Variants in MAPK4 observed in about 807,000 individuals in gnomAD.
The protein encoded by MAPK4 is Erk3-related.
MAPK4 carries 22 observed loss-of-function variants against 47.7 expected under a neutral mutation model. That is an observed-to-expected ratio of 0.46 (90% CI 0.33 to 0.66). MAPK4 has a LOEUF of 0.66. MAPK4 is among the 30% of genes least tolerant of loss of function. The pLI is 0.02. For synonymous variants in MAPK4, 390 were observed against 365.7 expected (o/e 1.07, Z -0.76); for missense variants, 736 against 831.7 (o/e 0.88, Z 1.42).
intron 1 of MAPK4, among the ~76,000 whole-genome samples, chr18:50,574,221 A>G (rs1464028455): frequency 6.6e-6 from 1 of 152,116 alleles, no homozygotes; most frequent in Admixed American, 6.5e-5. Flanking sequence ...CTCTTTTTGT[A>G]GCCTTACTGT....
At position 50,664,068 on chromosome 18, in the gene MAPK4, C is replaced by T; in HGVS notation, c.110C>T (p.Ala37Val). The stretch of plus-strand genomic sequence containing the variant: ...GGTGTCAATGGTTTGGTGCTGTCGG[C>T]CGTGGACAGCCGGGCCTGCCGGAAG... ...GFGVNGLVLS[A>V]VDSRACRKVA... Residue 37 changes from alanine to valine, a missense_variant, in exon 2 of 6, where the codon GCC (alanine) becomes GTC (valine). Transcript: ENST00000400384. The surrounding 1 kb of genome is among the most constrained non-coding windows in gnomAD (Gnocchi z 6.0). The T allele has an allele frequency of 6.2e-7, 1 of 1,613,900 alleles. No individual in the cohort carries two copies. Among genetic ancestry groups the T allele is most frequent in the Non-Finnish European group, 8.5e-7 (1 of 1,180,050 alleles).
intron 2 of MAPK4, among the ~76,000 whole-genome samples, chr18:50,667,498 G>T (rs1248884837): frequency 6.6e-6 from 1 of 152,156 alleles, no homozygotes; most frequent in African/African-American, 2.4e-5. Context: ...GCATGCATCT[G>T]CTCTCTCCAG....
At chr18:50,593,031 T>G (rs1185237252) in intron 1 of MAPK4, among the ~76,000 whole-genome samples, 1 of 152,152 alleles carries the variant, frequency 6.6e-6, no homozygotes, top group Non-Finnish European at 1.5e-5. Flanking sequence ...ATTTTACAGA[T>G]GAAAAAATTG....
intron 1 of MAPK4, among the ~76,000 whole-genome samples, chr18:50,598,109 C>A (rs147142865): frequency 6.6e-6 from 1 of 152,350 alleles, no homozygotes; most frequent in East Asian, 1.9e-4. Context: ...ACCACTACCA[C>A]AACACCCCTT....
chr18:50,594,182 G>A (rs547325740), intron 1 of MAPK4, among the ~76,000 whole-genome samples: 3 of 152,278 alleles, frequency 2.0e-5, no homozygotes, highest in East Asian at 1.9e-4. Context: ...ATCTTCTTCC[G>A]CCTGCTTTAT....
intron 2 of MAPK4, among the ~76,000 whole-genome samples, chr18:50,675,580 C>T (rs1055734006): frequency 1.3e-5 from 2 of 152,212 alleles, no homozygotes; most frequent in South Asian, 2.1e-4. Context: ...CAACCTCCAC[C>T]TCCTGGGTTC....
intron 2 of MAPK4, among the ~76,000 whole-genome samples, chr18:50,676,323 T>C (rs1486496704): frequency 6.6e-6 from 1 of 152,206 alleles, no homozygotes. Flanking sequence ...AAAATATGTG[T>C]AAAGAGATTA....
intron 1 of MAPK4, among the ~76,000 whole-genome samples, chr18:50,635,709 A>G (rs12454262): frequency 0.23 from 35,230 of 152,200 alleles, 4,847 homozygotes; most frequent in South Asian, 0.34. Context: ...TGCCTGGTCC[A>G]TAAGACCCTC....
At chr18:50,728,064 G>A (rs1275062733) in intron 5 of MAPK4, among the ~76,000 whole-genome samples, 1 of 152,190 alleles carries the variant, frequency 6.6e-6, no homozygotes, top group Non-Finnish European at 1.5e-5. Flanking sequence ...GCCTTCCTGT[G>A]CCTCTCCAGT....
chr18:50,658,628 G>A (rs956900148), intron 1 of MAPK4, among the ~76,000 whole-genome samples: 1 of 152,240 alleles, frequency 6.6e-6, no homozygotes, highest in Non-Finnish European at 1.5e-5. Context: ...TGCAAGTGGG[G>A]TTGCGGAGCA....
At chr18:50,604,245 AT>A (rs1018562104) in intron 1 of MAPK4, among the ~76,000 whole-genome samples, 1 of 152,164 alleles carries the variant, frequency 6.6e-6, no homozygotes, top group Non-Finnish European at 1.5e-5. Context: ...TTATTAACTG[AT>A]TTTTAGCATG....
intron 2 of MAPK4, among the ~76,000 whole-genome samples, chr18:50,712,150 G>C (rs1364904627): frequency 1.3e-5 from 2 of 152,176 alleles, no homozygotes; most frequent in African/African-American, 4.8e-5. Context: ...TTAAGTGTCG[G>C]GCACAGTGGC....
intron 1 of MAPK4, among the ~76,000 whole-genome samples, chr18:50,622,898 G>GA (rs2042745067): frequency 6.6e-6 from 1 of 152,228 alleles, no homozygotes; most frequent in Admixed American, 6.5e-5. Flanking sequence ...TTGTCGGGGA[G>GA]AAAGTAGTGA....
intron 1 of MAPK4, among the ~76,000 whole-genome samples, chr18:50,620,527 T>C (rs2042722523): frequency 6.6e-6 from 1 of 152,246 alleles, no homozygotes; most frequent in Non-Finnish European, 1.5e-5. Context: ...AACATTTACT[T>C]TCTGCTTATA....
chr18:50,673,316 C>T (rs1908071803), intron 2 of MAPK4, among the ~76,000 whole-genome samples: 3 of 152,160 alleles, frequency 2.0e-5, no homozygotes, highest in Non-Finnish European at 4.4e-5. Context: ...GATCAACAGC[C>T]CCCTCTTCGG....
intron 1 of MAPK4, among the ~76,000 whole-genome samples, chr18:50,608,537 G>T (rs1176452305): frequency 6.6e-6 from 1 of 151,990 alleles, no homozygotes; most frequent in Non-Finnish European, 1.5e-5. Flanking sequence ...CTCACTTCAT[G>T]CAGGGACCAA....
intron 2 of MAPK4, among the ~76,000 whole-genome samples, chr18:50,682,807 A>G (rs1328760671): frequency 6.6e-6 from 1 of 152,262 alleles, no homozygotes; most frequent in Non-Finnish European, 1.5e-5. Context: ...CAGCTTTTCC[A>G]TAACCAAAAC....
intron 2 of MAPK4, among the ~76,000 whole-genome samples, chr18:50,699,332 A>G (rs1006699440): frequency 2.6e-5 from 4 of 152,226 alleles, no homozygotes; most frequent in African/African-American, 9.6e-5. Context: ...AAAACCAGGA[A>G]CACATAAAGG....
chr18:50,654,942 G>A (rs1314731734), intron 1 of MAPK4, among the ~76,000 whole-genome samples: 1 of 152,212 alleles, frequency 6.6e-6, no homozygotes, highest in Non-Finnish European at 1.5e-5. Context: ...AAGCCTGAAC[G>A]CTCCTGGAGT....
Sources: allele counts gnomAD v4.1 joint callset (sites outside exome capture counted in the v4.1 genomes callset), GRCh38; gene constraint gnomAD v4.1.1; non-coding constraint Gnocchi (gnomAD v3.1); transcripts MANE v1.5; gene names NCBI Gene and HGNC (gene_info 2026-07-23, HGNC 2026-07-21).